Variants in PDE1A observed in about 807,000 individuals in gnomAD.
The protein encoded by PDE1A is dual specificity calcium/calmodulin-dependent 3',5'-cyclic nucleotide phosphodiesterase 1A.
A neutral mutation model predicts 61.7 loss-of-function variants in PDE1A; 35 were observed. That is an observed-to-expected ratio of 0.57 (90% CI 0.43 to 0.75). PDE1A has a LOEUF of 0.75. PDE1A is among the 30% of genes least tolerant of loss of function. The probability of loss-of-function intolerance (pLI) is 0.00; values close to 1 mark genes in which losing one functional copy is unlikely to be tolerated. For synonymous variants in PDE1A, 232 were observed against 213.2 expected (o/e 1.09, Z -0.77); for missense variants, 597 against 630.6 (o/e 0.95, Z 0.57).
At chr2:182,534,916 T>G in the PDE1A span, among the ~76,000 whole-genome samples, 1 of 152,164 alleles carries the variant, frequency 6.6e-6, no homozygotes, top group African/African-American at 2.4e-5. Flanking sequence ...AGCTTTATTT[T>G]GTTTACTTAA....
the PDE1A span, among the ~76,000 whole-genome samples, chr2:182,610,721 A>G: frequency 6.6e-6 from 1 of 152,218 alleles, no homozygotes; most frequent in Non-Finnish European, 1.5e-5. Context: ...AAAATTGAAT[A>G]GGATTGGATA....
upstream of PDE1A, chr2:182,523,041 C>T (rs1690659344): frequency 6.6e-6 from 1 of 152,126 alleles, no homozygotes; most frequent in African/African-American, 2.4e-5. Flanking sequence ...AAGAACACAG[C>T]TCCACAGGTT....
chr2:182,664,562 C>T, the PDE1A span, among the ~76,000 whole-genome samples: 1 of 152,194 alleles, frequency 6.6e-6, no homozygotes, highest in South Asian at 2.1e-4. Flanking sequence ...AAAATAATGA[C>T]AACGCATTTG....
At chr2:182,152,412 C>CTTTTTTTT (rs559392112) in intron 13 of PDE1A, among the ~76,000 whole-genome samples, 3 of 75,292 alleles carry the variant, frequency 4.0e-5, no homozygotes, top group Non-Finnish European at 4.8e-5. Flanking sequence ...TTTTTTTCCT[C>CTTTTTTTT]TTTTTTTTTT....
At chr2:182,577,593 A>T in the PDE1A span, among the ~76,000 whole-genome samples, 1 of 152,240 alleles carries the variant, frequency 6.6e-6, no homozygotes, top group Non-Finnish European at 1.5e-5. Flanking sequence ...ATAATCAGGG[A>T]ATGCTGAATG....
Position 182,208,446 on chromosome 2 carries a change from C to T in PDE1A, c.777-2381G>A, listed in dbSNP as rs576413785. On this transcript the variant is annotated intron_variant, in intron 7 of 13. Transcript: ENST00000351439. Reference sequence around the variant, plus strand: ...ATGAGAACAGCATGGGAGAAGCTGTCCCTATGATCCAGTTACCTCCCAACA... The same window carrying T: ...ATGAGAACAGCATGGGAGAAGCTGTTCCTATGATCCAGTTACCTCCCAACA... 6.6e-5 allele frequency among the ~76,000 whole-genome samples: 10 copies of T among 152,278 alleles called. No homozygotes were observed. In the East Asian group the frequency reaches 1.2e-3, roughly 18 times the overall value.
chr2:182,601,608 G>A, the PDE1A span, among the ~76,000 whole-genome samples: 1 of 152,218 alleles, frequency 6.6e-6, no homozygotes, highest in Non-Finnish European at 1.5e-5. Context: ...GCAAGATGAA[G>A]AGAAGCTTTA....
At chr2:182,651,869 G>C in the PDE1A span, among the ~76,000 whole-genome samples, 1 of 152,180 alleles carries the variant, frequency 6.6e-6, no homozygotes, top group African/African-American at 2.4e-5. Context: ...AGGAATATGT[G>C]AAGCCTAAAG....
chr2:182,582,843 A>T, the PDE1A span, among the ~76,000 whole-genome samples: 1 of 152,192 alleles, frequency 6.6e-6, no homozygotes, highest in East Asian at 1.9e-4. Flanking sequence ...GTTAAGTCAG[A>T]TCATTTTTGT....
chr2:182,410,473 G>T (rs1702548735), intron 1 of PDE1A, among the ~76,000 whole-genome samples: 2 of 152,112 alleles, frequency 1.3e-5, no homozygotes, highest in African/African-American at 2.4e-5. Flanking sequence ...CATATTTTAT[G>T]AATTCTTTCC....
At chr2:182,608,534 C>T in the PDE1A span, among the ~76,000 whole-genome samples, 30 of 152,298 alleles carry the variant, frequency 2.0e-4, no homozygotes, top group African/African-American at 7.0e-4. Context: ...GGCGTGGGCT[C>T]GGCGGCCCGG....
chr2:182,364,751 G>A (rs1699742104), intron 1 of PDE1A, among the ~76,000 whole-genome samples: 1 of 151,816 alleles, frequency 6.6e-6, no homozygotes, highest in African/African-American at 2.4e-5. Flanking sequence ...TTTCAAACAT[G>A]GAACGTGTTT....
intron 2 of PDE1A, among the ~76,000 whole-genome samples, chr2:182,251,582 C>T (rs1164447679): frequency 6.6e-6 from 1 of 152,162 alleles, no homozygotes; most frequent in Non-Finnish European, 1.5e-5. Context: ...TTTAACAAGC[C>T]CTTCAGGTGA....
intron 2 of PDE1A, among the ~76,000 whole-genome samples, chr2:182,472,912 T>G (rs1214974519): frequency 2.7e-5 from 4 of 150,644 alleles, no homozygotes; most frequent in Non-Finnish European, 5.9e-5. Flanking sequence ...GTATCCAGAC[T>G]CATACATAAG....
intron 6 of PDE1A, 71 bp downstream of exon 6, chr2:182,229,935 T>A: frequency 8.3e-7 from 1 of 1,207,722 alleles, no homozygotes. Context: ...AAAGAGACAA[T>A]AGAAACTTAT....
chr2:182,635,111 C>A, the PDE1A span, among the ~76,000 whole-genome samples: 1 of 137,322 alleles, frequency 7.3e-6, no homozygotes, highest in Non-Finnish European at 1.6e-5. Flanking sequence ...GGTACATAGC[C>A]ACATTGTAAA....
chr2:182,464,248 G>T (rs948406100), intron 2 of PDE1A, among the ~76,000 whole-genome samples: 1 of 152,080 alleles, frequency 6.6e-6, no homozygotes, highest in Non-Finnish European at 1.5e-5. Flanking sequence ...TTAAAGCATG[G>T]TAAGAAAGAC....
chr2:182,450,501 C>A (rs1441504917), intron 2 of PDE1A, among the ~76,000 whole-genome samples: 2 of 151,338 alleles, frequency 1.3e-5, no homozygotes, highest in African/African-American at 4.9e-5. Flanking sequence ...TTTATTGGCT[C>A]ACAGTAGGAA....
intron 1 of PDE1A, among the ~76,000 whole-genome samples, chr2:182,297,380 CAA>C (rs1467436775): frequency 1.3e-5 from 2 of 151,962 alleles, no homozygotes; most frequent in African/African-American, 4.8e-5. Context: ...GAGAAAAAAA[CAA>C]GAGCTATTTT....
Sources: allele counts gnomAD v4.1 joint callset (sites outside exome capture counted in the v4.1 genomes callset), GRCh38; gene constraint gnomAD v4.1.1; transcripts MANE v1.5; gene names NCBI Gene and HGNC (gene_info 2026-07-23, HGNC 2026-07-21).